The following RSRC1 variants were observed in gnomAD, a reference collection of about 807,000 sequenced individuals.
RSRC1 encodes the protein arginine and serine rich coiled-coil 1.
In RSRC1, 39 loss-of-function variants were observed where a neutral mutation model predicts 49.1. The ratio of observed to expected loss-of-function variants is 0.79; its 90% CI spans 0.61 to 1.04. The LOEUF (loss-of-function observed/expected upper bound fraction) is 1.04, where lower values mean the gene tolerates loss of function less well. Ranked by LOEUF, RSRC1 falls within the 50% of genes least tolerant of loss-of-function variation. RSRC1 has a pLI of 0.00. For missense variants in RSRC1, 388 were observed against 402.4 expected, an observed-to-expected ratio of 0.96 and a Z score of 0.31; for synonymous variants, 143 against 130.8, an observed-to-expected ratio of 1.09 and a Z score of -0.63.
intron 4 of RSRC1, among the ~76,000 whole-genome samples, chr3:158,215,059 CTTTTG>C: frequency 6.6e-6 from 1 of 151,128 alleles, no homozygotes; most frequent in South Asian, 2.1e-4. Context: ...TTTTTTAGCG[CTTTTG>C]TTTGGTTTTA....
chr3:158,473,116 T>A (rs1473207094), intron 7 of RSRC1, among the ~76,000 whole-genome samples: 1 of 152,156 alleles, frequency 6.6e-6, no homozygotes, highest in Non-Finnish European at 1.5e-5. Context: ...CGATTCCTCG[T>A]GGATCTAGAA....
chr3:158,238,388 A>C (rs908459231), intron 4 of RSRC1, among the ~76,000 whole-genome samples: 5 of 152,304 alleles, frequency 3.3e-5, no homozygotes, highest in Middle Eastern at 3.4e-3. Flanking sequence ...TATGGAACCA[A>C]AAAAGAACCC....
intron 6 of RSRC1, among the ~76,000 whole-genome samples, chr3:158,411,675 AC>A (rs1280739502): frequency 2.4e-4 from 37 of 151,866 alleles, no homozygotes; most frequent in Non-Finnish European, 4.7e-4. Flanking sequence ...ACACTACCAC[AC>A]CTGGCAGCAT....
intron 6 of RSRC1, among the ~76,000 whole-genome samples, chr3:158,439,891 G>T (rs1023076232): frequency 6.6e-6 from 1 of 152,042 alleles, no homozygotes; most frequent in African/African-American, 2.4e-5. Flanking sequence ...AGAGCAACTA[G>T]CTCTGTCTAG....
At chr3:158,117,614 T>C (rs1383035537) in intron 1 of RSRC1, among the ~76,000 whole-genome samples, 1 of 134,014 alleles carries the variant, frequency 7.5e-6, no homozygotes, top group South Asian at 2.5e-4. Flanking sequence ...TTTTGGGTAA[T>C]TTTTTTTTGT....
At position 158,194,079 on chromosome 3, in the gene RSRC1, A is replaced by ACACACACACACG. The variant is rs1374164831; in HGVS notation, c.321-8982_321-8981insGCACACACACAC. Among the ~76,000 whole-genome samples the ACACACACACACG allele has an allele frequency of 2.7e-5, 4 of 149,944 alleles. No homozygotes were observed. In the Admixed American group the frequency reaches 2.7e-4, roughly 10 times the overall value. ...TACACACACACACACACACACACAC[A>ACACACACACACG]CACACACACACACACACACACACAG... On this transcript the variant is annotated intron_variant, in intron 3 of 9. Transcript: ENST00000611884.
chr3:158,434,491 CT>C (rs1220918811), intron 6 of RSRC1, among the ~76,000 whole-genome samples: 1 of 151,928 alleles, frequency 6.6e-6, no homozygotes, highest in African/African-American at 2.4e-5. Flanking sequence ...AAGAAACATT[CT>C]AGTTTGGATA....
chr3:158,148,497 T>G (rs531413106), intron 3 of RSRC1, among the ~76,000 whole-genome samples: 1 of 152,204 alleles, frequency 6.6e-6, no homozygotes, highest in Admixed American at 6.5e-5. Flanking sequence ...CAATCCCTTT[T>G]TCATGACTTA....
intron 7 of RSRC1, among the ~76,000 whole-genome samples, chr3:158,526,740 G>A (rs181525241): frequency 5.9e-5 from 9 of 152,044 alleles, no homozygotes; most frequent in Non-Finnish European, 1.0e-4. Context: ...CTTATGAGCC[G>A]AAACATAATA....
intron 6 of RSRC1, among the ~76,000 whole-genome samples, chr3:158,398,427 C>G (rs1475186194): frequency 6.6e-6 from 1 of 152,052 alleles, no homozygotes; most frequent in African/African-American, 2.4e-5. Context: ...ACTTTGCACA[C>G]TGCAGCTTCA....
intron 6 of RSRC1, among the ~76,000 whole-genome samples, chr3:158,437,016 C>T (rs1736076663): frequency 8.7e-6 from 1 of 114,518 alleles, no homozygotes; most frequent in South Asian, 3.3e-4. Context: ...GCTATAATAC[C>T]TCATAGTAAT....
chr3:158,230,732 A>G, intron 4 of RSRC1, among the ~76,000 whole-genome samples: 1 of 152,072 alleles, frequency 6.6e-6, no homozygotes, highest in East Asian at 1.9e-4. Flanking sequence ...TTTCTCTTGC[A>G]GTACTGCACC....
At chr3:158,343,448 A>G (rs1356912733) in intron 5 of RSRC1, among the ~76,000 whole-genome samples, 1 of 152,194 alleles carries the variant, frequency 6.6e-6, no homozygotes, top group Non-Finnish European at 1.5e-5. Flanking sequence ...TATATTAAAG[A>G]GAAAGCAAGA....
chr3:158,181,390 T>C (rs1039340841), intron 3 of RSRC1, among the ~76,000 whole-genome samples: 3 of 152,146 alleles, frequency 2.0e-5, no homozygotes, highest in Admixed American at 6.5e-5. Context: ...TGGGAAAGTG[T>C]CTGTATTTGG....
intron 4 of RSRC1, among the ~76,000 whole-genome samples, chr3:158,238,798 T>C (rs1723391839): frequency 6.6e-6 from 1 of 152,132 alleles, no homozygotes; most frequent in African/African-American, 2.4e-5. Flanking sequence ...ATCCAGGACA[T>C]AGGCATGGGC....
chr3:158,211,230 C>T (rs147043608), intron 4 of RSRC1, among the ~76,000 whole-genome samples: 86 of 151,776 alleles, frequency 5.7e-4, no homozygotes, highest in African/African-American at 2.1e-3. Context: ...GTCTTTGGAC[C>T]GGTATGGAAT....
At chr3:158,192,293 A>G (rs753407279) in intron 3 of RSRC1, among the ~76,000 whole-genome samples, 5 of 152,098 alleles carry the variant, frequency 3.3e-5, no homozygotes, top group Non-Finnish European at 5.9e-5. Context: ...TATTGCTATC[A>G]TAGTTTATTG....
At chr3:158,452,994 G>T (rs890006673) in intron 6 of RSRC1, among the ~76,000 whole-genome samples, 14 of 152,044 alleles carry the variant, frequency 9.2e-5, no homozygotes, top group Non-Finnish European at 2.1e-4. Context: ...TTTAGTAAAT[G>T]AGATATGCTA....
intron 5 of RSRC1, among the ~76,000 whole-genome samples, chr3:158,318,143 C>T (rs1728571266): frequency 6.6e-6 from 1 of 151,994 alleles, no homozygotes; most frequent in Non-Finnish European, 1.5e-5. Flanking sequence ...CAGTGTGGCC[C>T]AGGGAAGCCA....
Sources: allele counts gnomAD v4.1 joint callset (sites outside exome capture counted in the v4.1 genomes callset), GRCh38; gene constraint gnomAD v4.1.1; transcripts MANE v1.5; gene names NCBI Gene and HGNC (gene_info 2026-07-23, HGNC 2026-07-21).